Variants in CD163L1 observed in about 807,000 individuals in gnomAD.
CD163L1 encodes CD163 molecule like 1.
A neutral mutation model predicts 165.4 loss-of-function variants in CD163L1; 124 were observed. The ratio of observed to expected loss-of-function variants is 0.75; its 90% CI spans 0.65 to 0.87. The LOEUF (loss-of-function observed/expected upper bound fraction) is 0.87, where lower values mean the gene tolerates loss of function less well. Ranked by LOEUF, CD163L1 falls within the 40% of genes least tolerant of loss-of-function variation. The pLI is 0.00. For synonymous variants in CD163L1, 585 were observed against 662.2 expected (o/e 0.88, Z 1.79); for missense variants, 1,525 against 1,799.9 (o/e 0.85, Z 2.76).
chr12:7,342,598 G>A (rs1054002054), downstream of CD163L1, among the ~76,000 whole-genome samples: 2 of 152,052 alleles, frequency 1.3e-5, no homozygotes, highest in African/African-American at 2.4e-5. Flanking sequence ...CTCCCCAACC[G>A]AGCTGGTCTC....
Position 7,368,903 on chromosome 12 carries a change from G to C in CD163L1, c.4072+30C>G. On this transcript the variant is annotated intron_variant, in intron 16 of 19. Transcript: ENST00000313599. This position sits in a 1 kb window ranked among gnomAD's most constrained non-coding sequence, Gnocchi z 4.3. The stretch of plus-strand genomic sequence containing the variant: ...ACCTTCCATGTAGCCTTAGGTATTT[G>C]TGTCAGCACTGATAGGCAGAAGACT... The C allele has an allele frequency of 6.2e-7, 1 of 1,611,258 alleles. No individual in the cohort carries two copies. Among genetic ancestry groups the C allele is most frequent in the Non-Finnish European group, 8.5e-7 (1 of 1,177,620 alleles).
intron 4 of CD163L1, among the ~76,000 whole-genome samples, chr12:7,429,842 A>G (rs1948600763): frequency 1.3e-5 from 2 of 152,160 alleles, no homozygotes; most frequent in South Asian, 4.1e-4. Flanking sequence ...AAATTTTATC[A>G]TGGTAATTAT....
In CD163L1 at chr12:7,372,238, A is replaced by C. The variant is rs1947160649; in HGVS notation, c.3730+1082T>G. On this transcript the variant is annotated intron_variant, in intron 14 of 19. Coordinates refer to ENST00000313599, the MANE Select transcript of CD163L1 (RefSeq NM_174941.6). This position sits in a 1 kb window ranked among gnomAD's most constrained non-coding sequence, Gnocchi z 4.2. ...GTGTAACATTGGTGGGAAGGGTGAA[A>C]TAAAATCAATGCTCTCATATACTGG... Among the ~76,000 whole-genome samples, 1 of 152,084 alleles carries C rather than the reference A, an allele frequency of 6.6e-6. No homozygotes were observed. The highest frequency in any genetic ancestry group is 1.5e-5 in the Non-Finnish European group (1 of 67,952).
intron 4 of CD163L1, among the ~76,000 whole-genome samples, chr12:7,412,821 G>T (rs770780947): frequency 6.6e-6 from 1 of 152,214 alleles, no homozygotes; most frequent in Admixed American, 6.5e-5. Context: ...ACCTGGCCGG[G>T]CGCAGTGGCT....
chr12:7,437,183 ATTT>A (rs1948728867), intron 2 of CD163L1, among the ~76,000 whole-genome samples: 1 of 45,724 alleles, frequency 2.2e-5, no homozygotes, highest in South Asian at 7.3e-4. Flanking sequence ...TATTACTTTT[ATTT>A]TTATTTTAAT....
chr12:7,348,182 T>TA (rs1946683163), intron 4 of CD163L1, among the ~76,000 whole-genome samples: 1 of 152,248 alleles, frequency 6.6e-6, no homozygotes, highest in African/African-American at 2.4e-5. Flanking sequence ...AAGCAGGCTC[T>TA]ACCATTCATT....
At chr12:7,406,892 T>C in intron 4 of CD163L1, 40 bp from the exon 5 acceptor site, 1 of 1,579,726 alleles carries the variant, frequency 6.3e-7, no homozygotes, top group Non-Finnish European at 8.6e-7. Context: ...GGTGAAGTTT[T>C]GATCAGAAAC....
At chr12:7,410,100 AAATT>A (rs1948104073) in intron 4 of CD163L1, among the ~76,000 whole-genome samples, 7 of 152,194 alleles carry the variant, frequency 4.6e-5, no homozygotes, top group Admixed American at 4.6e-4. Flanking sequence ...TACAGTAATT[AAATT>A]AATAACACAA....
chr12:7,329,619 T>C, the CD163L1 span, among the ~76,000 whole-genome samples: 1 of 152,144 alleles, frequency 6.6e-6, no homozygotes, highest in African/African-American at 2.4e-5. Context: ...TGTTTGTTTG[T>C]GTTTTTTTTA....
the CD163L1 span, among the ~76,000 whole-genome samples, chr12:7,336,381 C>T: frequency 6.6e-6 from 1 of 151,970 alleles, no homozygotes; most frequent in African/African-American, 2.4e-5. Flanking sequence ...AGCTGGAAGC[C>T]ATCATTCTCA....
chr12:7,363,502 G>A (rs1348235805), intron 18 of CD163L1, among the ~76,000 whole-genome samples: 1 of 151,694 alleles, frequency 6.6e-6, no homozygotes, highest in Admixed American at 6.6e-5. Context: ...TTGATTTTTT[G>A]GAAAGATAAA....
downstream of CD163L1, among the ~76,000 whole-genome samples, chr12:7,352,864 T>G (rs933304133): frequency 6.6e-5 from 10 of 151,954 alleles, no homozygotes; most frequent in Non-Finnish European, 1.3e-4. Context: ...CCAGAATTAC[T>G]GCAGTATATT....
In CD163L1 at chr12:7,403,680, A is replaced by G; in HGVS notation, c.1263T>C (p.Arg421=). The G allele has an allele frequency of 1.9e-6, 3 of 1,614,134 alleles. No homozygotes were observed. Among genetic ancestry groups the G allele is most frequent in the Non-Finnish European group, 2.5e-6 (3 of 1,179,982 alleles). The change falls in exon 6 of 20, where the codon CGT becomes CGC. Residue 421 remains arginine, a synonymous_variant. Transcript: ENST00000313599. ...GCPFSVFGSR[R]AKPSNEARDI... ...CTCTAGCTTCATTACTAGGTTTAGC[A>G]CGACGACTGCCAAAGACGCTGAACG...
the CD163L1 span, among the ~76,000 whole-genome samples, chr12:7,323,729 T>C: frequency 6.6e-6 from 1 of 152,090 alleles, no homozygotes; most frequent in Non-Finnish European, 1.5e-5. Context: ...AAATTCCAAA[T>C]GTAAGAAACC....
the CD163L1 span, among the ~76,000 whole-genome samples, chr12:7,340,665 A>C: frequency 6.7e-6 from 1 of 149,782 alleles, no homozygotes; most frequent in Non-Finnish European, 1.5e-5. Flanking sequence ...ATGATTTCAA[A>C]GGGCTCTCAA....
intron 4 of CD163L1, among the ~76,000 whole-genome samples, chr12:7,421,041 A>ATATATACG (rs1948347966): frequency 2.8e-5 from 3 of 108,598 alleles, no homozygotes; most frequent in South Asian, 6.5e-4. Context: ...ATATACGTGT[A>ATATATACG]TATATATGTA....
intron 2 of CD163L1, chr12:7,438,937 G>GAATGC (rs1948776379): frequency 3.7e-6 from 6 of 1,606,412 alleles, no homozygotes; most frequent in African/African-American, 2.7e-5. Flanking sequence ...TCTTCTCTAA[G>GAATGC]AATGCGTTCT....
intron 2 of CD163L1, among the ~76,000 whole-genome samples, chr12:7,437,442 T>C (rs1022069348): frequency 2.6e-5 from 4 of 151,662 alleles, no homozygotes; most frequent in Non-Finnish European, 5.9e-5. Flanking sequence ...CCCATTAACT[T>C]ATCATTTACA....
the CD163L1 span, among the ~76,000 whole-genome samples, chr12:7,335,898 C>T: frequency 4.0e-5 from 6 of 150,854 alleles, no homozygotes; most frequent in Admixed American, 2.0e-4. Flanking sequence ...CCAAAAAACA[C>T]ATGAAAAAAT....
Sources: allele counts gnomAD v4.1 joint callset (sites outside exome capture counted in the v4.1 genomes callset), GRCh38; gene constraint gnomAD v4.1.1; non-coding constraint Gnocchi (gnomAD v3.1); transcripts MANE v1.5; gene names NCBI Gene and HGNC (gene_info 2026-07-23, HGNC 2026-07-21).